Variants in APOM observed in about 807,000 individuals in gnomAD.
APOM encodes the protein apolipoprotein M.
A neutral mutation model predicts 23.5 loss-of-function variants in APOM; 24 were observed. That is an observed-to-expected ratio of 1.02 (90% CI 0.74 to 1.44). The LOEUF is 1.44. Ranked by LOEUF, APOM falls within the 40% of genes most tolerant of loss-of-function variation. The pLI is 0.00. For missense variants in APOM, 200 were observed against 233.2 expected (o/e 0.86, Z 0.93); for synonymous variants, 82 against 84.1 (o/e 0.97, Z 0.14).
chr6:31,654,266 T>TAAG (rs1799723449), upstream of APOM, among the ~76,000 whole-genome samples: 2 of 148,032 alleles, frequency 1.4e-5, no homozygotes, highest in Admixed American at 6.7e-5. Flanking sequence ...AAAAAAAAAT[T>TAAG]CAAACATTAC....
chr6:31,656,859 G>A (rs1048642464), intron 2 of APOM, among the ~76,000 whole-genome samples: 1 of 152,146 alleles, frequency 6.6e-6, no homozygotes, highest in African/African-American at 2.4e-5. Flanking sequence ...AATAGAAGCC[G>A]GGACAGGCCA....
chr6:31,654,818 T>C (rs1799859738), upstream of APOM, among the ~76,000 whole-genome samples: 1 of 152,228 alleles, frequency 6.6e-6, no homozygotes, highest in Admixed American at 6.5e-5. Context: ...ATAGCAAATA[T>C]ATACTTTGGA....
Position 31,656,037 on chromosome 6 carries a change from C to A in APOM, c.71C>A (p.Pro24His). 6.3e-7 allele frequency: 1 copy of A among 1,589,138 alleles called. No individual in the cohort carries two copies. Among genetic ancestry groups the A allele is most frequent in the Non-Finnish European group, 8.6e-7 (1 of 1,167,348 alleles). The change falls in exon 1 of 6, where the codon CCT becomes CAT. Residue 24 changes from proline to histidine, a missense_variant. Transcript: ENST00000375916. ...ATCCTTAACTCCATCTACCAGTGCCCTGAGCACAGTCAACTGACAACTCTG... is the reference window on the plus strand; with the variant it reads ...ATCCTTAACTCCATCTACCAGTGCCATGAGCACAGTCAACTGACAACTCTG... ...GIILNSIYQC[P>H]EHSQLTTLGV... is the part of the protein sequence containing the mutation.
At chr6:31,653,124 C>T (rs1420378905), upstream of APOM, among the ~76,000 whole-genome samples, 1 of 152,046 alleles carries the variant, frequency 6.6e-6, no homozygotes, top group Non-Finnish European at 1.5e-5. Context: ...CGGTGTGTGG[C>T]CAAGGGGACA....
chr6:31,657,222 C>T lies in APOM; in HGVS notation c.270-3C>T, dbSNP rs1800193605. Reference sequence around the variant, plus strand: ...TTCCTCCTTGCCACCACCACCTCTGCAGGAAAGATGGGCTCTGTGTGCCCC... The same window carrying T: ...TTCCTCCTTGCCACCACCACCTCTGTAGGAAAGATGGGCTCTGTGTGCCCC... On this transcript the variant is annotated splice_polypyrimidine_tract_variant and splice_region_variant and intron_variant, in intron 2 of 5. Transcript: ENST00000375916. 3 of 1,612,722 alleles carry T rather than the reference C, an allele frequency of 1.9e-6. No individual in the cohort carries two copies. Among genetic ancestry groups the T allele is most frequent in the East Asian group, 4.5e-5 (2 of 44,902 alleles).
intron 1 of APOM, 111 bp downstream of exon 1, chr6:31,656,191 AGT>A: frequency 7.8e-6 from 7 of 893,534 alleles, no homozygotes; most frequent in Non-Finnish European, 1.2e-5. Context: ...AGGGGGTGTG[AGT>A]GTTGTGATAA....
rs1223222648 is a variant in APOM at position 31,656,560 on chromosome 6, A to G, written c.203A>G (p.Asn68Ser). The change falls in exon 2 of 6, where the codon AAC becomes AGC. Residue 68 changes from asparagine (N) to serine (S), a missense_variant. By Grantham distance (46) the Asn-to-Ser change is conservative. Transcript: ENST00000375916. ...TTGGCAACTTTTGACCCTGTGGACA[A>G]CATTGTCTTCAATATGGCTGCTGGC... ...EELATFDPVD[N>S]IVFNMAAGSA... 6.2e-7 allele frequency: 1 copy of G among 1,614,052 alleles called. No individual in the cohort carries two copies. The highest frequency in any genetic ancestry group is 8.5e-7 in the Non-Finnish European group (1 of 1,180,040).
upstream of APOM, chr6:31,655,806 G>A (rs986586043): frequency 3.3e-6 from 2 of 600,900 alleles, no homozygotes; most frequent in Non-Finnish European, 6.0e-6. Flanking sequence ...CAAACACTAA[G>A]TAATCCAGGT....
chr6:31,658,155 G>T lies in APOM; in HGVS notation c.*66G>T. 2.6e-6 allele frequency: 4 copies of T among 1,545,458 alleles called. No individual in the cohort carries two copies. The highest frequency in any genetic ancestry group is 3.6e-6 in the Non-Finnish European group (4 of 1,117,972). On this transcript the variant is annotated 3_prime_UTR_variant, in exon 6 of 6. Coordinates refer to ENST00000375916, the MANE Select transcript of APOM (RefSeq NM_019101.3). ...GCTGAGTTGTTGGAGGGAGAAGCTGGAGACTTCCAGCTCCAGCTCCCACTC... is the reference window on the plus strand; with the variant it reads ...GCTGAGTTGTTGGAGGGAGAAGCTGTAGACTTCCAGCTCCAGCTCCCACTC...
upstream of APOM, among the ~76,000 whole-genome samples, chr6:31,653,234 G>A (rs150032928): frequency 6.6e-6 from 1 of 152,348 alleles, no homozygotes; most frequent in African/African-American, 2.4e-5. Context: ...TGGAGTCCGA[G>A]TGGACAGAAA....
rs1243710157 is a variant in APOM at position 31,656,033 on chromosome 6, T to G, written c.67T>G (p.Cys23Gly). 6.3e-7 allele frequency: 1 copy of G among 1,591,532 alleles called. No homozygotes were observed. The highest frequency in any genetic ancestry group is 1.3e-5 in the African/African-American group (1 of 74,628). Residue 23 changes from cysteine to glycine, a missense_variant, in exon 1 of 6, where the codon TGC (cysteine) becomes GGC (glycine). Physicochemically the swap from Cys to Gly is radical, Grantham distance 159 (BLOSUM62 -3). Transcript: ENST00000375916. ...TATTATCCTTAACTCCATCTACCAGTGCCCTGAGCACAGTCAACTGACAAC... is the reference window on the plus strand; with the variant it reads ...TATTATCCTTAACTCCATCTACCAGGGCCCTGAGCACAGTCAACTGACAAC... ...YGIILNSIYQ[C>G]PEHSQLTTLG... is the part of the protein sequence containing the mutation.
At chr6:31,657,542 C>T in intron 4 of APOM, 64 bp downstream of exon 4, 1 of 1,600,692 alleles carries the variant, frequency 6.2e-7, no homozygotes, top group Non-Finnish European at 8.5e-7. Context: ...GAACTCCTCA[C>T]TCTGGGTCCT....
At chr6:31,657,161 A>C (rs1319654976) in intron 2 of APOM, 64 bp from the exon 3 acceptor site, 18 of 1,451,728 alleles carry the variant, frequency 1.2e-5, no homozygotes, top group Non-Finnish European at 1.5e-5. Flanking sequence ...AAAAAAAAAG[A>C]AGCTGGGACA....
At chr6:31,657,544 C>G in intron 4 of APOM, 66 bp downstream of exon 4, 2 of 1,601,758 alleles carry the variant, frequency 1.2e-6, no homozygotes, top group Non-Finnish European at 1.7e-6. Context: ...ACTCCTCACT[C>G]TGGGTCCTAT....
chr6:31,653,852 T>C (rs1406085181), upstream of APOM, among the ~76,000 whole-genome samples: 1 of 152,118 alleles, frequency 6.6e-6, no homozygotes, highest in East Asian at 1.9e-4. Flanking sequence ...CTAATTTTAT[T>C]TTTATAGAGA....
intron 2 of APOM, among the ~76,000 whole-genome samples, chr6:31,656,975 T>C (rs1800145433): frequency 6.6e-6 from 1 of 151,820 alleles, no homozygotes; most frequent in Admixed American, 6.6e-5. Context: ...TGAAACCCCG[T>C]CTCTACTAAA....
rs191662908 is a variant in APOM at position 31,655,941 on chromosome 6, G to A, written c.-26G>A. 6.6e-7 allele frequency: 1 copy of A among 1,504,798 alleles called. No homozygotes were observed. The highest frequency in any genetic ancestry group is 9.1e-7 in the Non-Finnish European group (1 of 1,097,274). 93.2% of individuals were successfully genotyped at this position (1,504,798 alleles called of 1,614,324 possible). A position where few individuals can be genotyped will look rare whatever the true frequency, so the allele number is the denominator to read the frequency against. ...GGGGAGAGAGCAGTTAAGGCACACA[G>A]AGCACCAGCTCCCTCCTGCCTGAAG... On this transcript the variant is annotated 5_prime_UTR_variant, in exon 1 of 6. Transcript: ENST00000375916.
At chr6:31,653,782 A>G (rs943631332), upstream of APOM, among the ~76,000 whole-genome samples, 2 of 152,068 alleles carry the variant, frequency 1.3e-5, no homozygotes, top group African/African-American at 4.8e-5. Flanking sequence ...CCCGAGCCCA[A>G]CCGATCTTCC....
chr6:31,656,851 T>G (rs745782840), intron 2 of APOM, among the ~76,000 whole-genome samples: 43 of 152,058 alleles, frequency 2.8e-4, no homozygotes, highest in Non-Finnish European at 2.6e-4. Flanking sequence ...ATGGAGTAAA[T>G]AGAAGCCGGG....
Sources: allele counts gnomAD v4.1 joint callset (sites outside exome capture counted in the v4.1 genomes callset), GRCh38; gene constraint gnomAD v4.1.1; transcripts MANE v1.5; gene names NCBI Gene and HGNC (gene_info 2026-07-23, HGNC 2026-07-21).